Variants in RABGAP1L observed in about 807,000 individuals in gnomAD.
RABGAP1L encodes rab GTPase-activating protein 1-like.
RABGAP1L carries 63 observed loss-of-function variants against 137.7 expected under a neutral mutation model. That is an observed-to-expected ratio of 0.46 (90% confidence interval 0.37 to 0.56). The LOEUF (loss-of-function observed/expected upper bound fraction) is 0.56. Among genes scored for constraint, RABGAP1L ranks in the 20% least tolerant of loss-of-function variants. The pLI is 0.00. For missense variants in RABGAP1L, 1,095 were observed against 1,244.0 expected, an observed-to-expected ratio of 0.88 and a Z score of 1.80; for synonymous variants, 431 against 433.7, an observed-to-expected ratio of 0.99 and a Z score of 0.08.
chr1:174,976,003 G>T, intron 21 of RABGAP1L, 75 bp from the exon 22 acceptor site: 1 of 1,333,434 alleles, frequency 7.5e-7, no homozygotes, highest in Non-Finnish European at 1.0e-6. Context: ...GATTGGGTTT[G>T]GAGAAGATTT....
chr1:174,971,716 C>T (rs1321952993), intron 21 of RABGAP1L, among the ~76,000 whole-genome samples: 1 of 152,246 alleles, frequency 6.6e-6, no homozygotes, highest in African/African-American at 2.4e-5. Flanking sequence ...ACCTGCCCCA[C>T]CAGTCTTCTA....
intron 11 of RABGAP1L, among the ~76,000 whole-genome samples, chr1:174,336,189 T>C (rs367653187): frequency 1.3e-5 from 2 of 152,360 alleles, no homozygotes; most frequent in African/African-American, 4.8e-5. Context: ...CATGGCTCAC[T>C]GTAGCCTTGA....
chr1:174,665,063 A>T (rs1268954059), intron 14 of RABGAP1L, among the ~76,000 whole-genome samples: 1 of 152,080 alleles, frequency 6.6e-6, no homozygotes, highest in East Asian at 1.9e-4. Flanking sequence ...ACATTCTTTA[A>T]AGTCATTTTT....
chr1:174,674,015 C>T (rs958089781), intron 14 of RABGAP1L, among the ~76,000 whole-genome samples: 1 of 151,488 alleles, frequency 6.6e-6, no homozygotes, highest in African/African-American at 2.4e-5. Flanking sequence ...ATTATACCTC[C>T]ATAAACATGA....
intron 19 of RABGAP1L, among the ~76,000 whole-genome samples, chr1:174,912,048 A>G (rs993366527): frequency 2.0e-5 from 3 of 152,244 alleles, no homozygotes; most frequent in Non-Finnish European, 4.4e-5. Context: ...GGAACTGTCT[A>G]TAAGTGGCTA....
At chr1:174,281,448 AG>A (rs1675536351) in intron 10 of RABGAP1L, among the ~76,000 whole-genome samples, 1 of 152,142 alleles carries the variant, frequency 6.6e-6, no homozygotes, top group African/African-American at 2.4e-5. Flanking sequence ...ACAAACCTTT[AG>A]CTAGACAGAG....
intron 7 of RABGAP1L, among the ~76,000 whole-genome samples, chr1:174,259,190 A>G (rs529892064): frequency 2.0e-5 from 3 of 152,198 alleles, no homozygotes; most frequent in African/African-American, 7.2e-5. Context: ...TTTGCAAATT[A>G]TACTGCAGTT....
intron 13 of RABGAP1L, among the ~76,000 whole-genome samples, chr1:174,447,503 C>G (rs929077058): frequency 6.6e-6 from 1 of 152,132 alleles, no homozygotes; most frequent in African/African-American, 2.4e-5. Context: ...CAAAGACACT[C>G]TTTGCCACAA....
chr1:174,973,979 GTTTTTTTTTTTT>G (rs58500594), intron 21 of RABGAP1L, among the ~76,000 whole-genome samples: 29 of 85,812 alleles, frequency 3.4e-4, no homozygotes, highest in African/African-American at 8.8e-4. Context: ...ATTGTTTTTT[GTTTTTTTTTTTT>G]TTTTTTTTTT....
intron 17 of RABGAP1L, among the ~76,000 whole-genome samples, chr1:174,730,076 G>C (rs1013963900): frequency 2.0e-5 from 3 of 151,732 alleles, no homozygotes; most frequent in African/African-American, 7.3e-5. Context: ...TGGTGAATTG[G>C]ATAAAGAAAA....
rs1459996393 is a variant in RABGAP1L at position 174,515,902 on chromosome 1, A to G, written c.1711-121473A>G. On this transcript the variant is annotated intron_variant, in intron 13 of 25. Coordinates refer to ENST00000681986, the MANE Select transcript of RABGAP1L (RefSeq NM_001366446.1). ...CTATCTTAAGTTGGGTCCTACTATG[A>G]TATTTGTAACTTAGATCACTTGGAG... is the stretch of plus-strand genomic sequence containing the variant. Among the ~76,000 whole-genome samples the G allele has an allele frequency of 2.6e-5, 4 of 152,108 alleles. No homozygotes were observed. The East Asian group carries it at 7.7e-4, about 29-fold the overall frequency.
At chr1:174,827,667 T>G (rs1220215398) in intron 19 of RABGAP1L, among the ~76,000 whole-genome samples, 1 of 60,474 alleles carries the variant, frequency 1.7e-5, no homozygotes, top group Non-Finnish European at 4.8e-5. Context: ...TCAGATGATC[T>G]AAAAGATCCT....
chr1:174,880,423 A>G (rs1358498054), intron 19 of RABGAP1L, among the ~76,000 whole-genome samples: 1 of 152,086 alleles, frequency 6.6e-6, no homozygotes, highest in Non-Finnish European at 1.5e-5. Context: ...GGATTCCTTG[A>G]ACCCAGGAAT....
chr1:174,732,203 A>C (rs1295628197), intron 17 of RABGAP1L, among the ~76,000 whole-genome samples: 3 of 149,456 alleles, frequency 2.0e-5, no homozygotes, highest in Non-Finnish European at 4.5e-5. Flanking sequence ...ATCCCCCCCA[A>C]AAAAAAAAAA....
intron 18 of RABGAP1L, among the ~76,000 whole-genome samples, chr1:174,794,283 CTT>C (rs1688075968): frequency 6.6e-6 from 1 of 152,164 alleles, no homozygotes; most frequent in South Asian, 2.1e-4. Context: ...ACAGGAATGT[CTT>C]TTCAGTGTTT....
intron 4 of RABGAP1L, among the ~76,000 whole-genome samples, chr1:174,233,084 T>C (rs1472191595): frequency 6.6e-6 from 1 of 152,134 alleles, no homozygotes; most frequent in African/African-American, 2.4e-5. Flanking sequence ...TCTTACATGG[T>C]GGAAGAGAGT....
chr1:174,701,242 G>A (rs1353966405), intron 16 of RABGAP1L: 2 of 1,255,958 alleles, frequency 1.6e-6, no homozygotes, highest in Non-Finnish European at 1.0e-6. Flanking sequence ...TACCATAAAG[G>A]CATTTTTAGA....
At chr1:174,300,380 C>T (rs1353560814) in intron 10 of RABGAP1L, among the ~76,000 whole-genome samples, 4 of 151,798 alleles carry the variant, frequency 2.6e-5, no homozygotes, top group Admixed American at 2.6e-4. Context: ...ACAAAATTAG[C>T]AGGTTGTGGT....
At chr1:174,929,256 A>T (rs1380827309) in intron 19 of RABGAP1L, among the ~76,000 whole-genome samples, 1 of 152,174 alleles carries the variant, frequency 6.6e-6, no homozygotes, top group Non-Finnish European at 1.5e-5. Flanking sequence ...GGGTTTTAAC[A>T]GTTGTATTTG....
Sources: allele counts gnomAD v4.1 joint callset (sites outside exome capture counted in the v4.1 genomes callset), GRCh38; gene constraint gnomAD v4.1.1; transcripts MANE v1.5; gene names NCBI Gene and HGNC (gene_info 2026-07-23, HGNC 2026-07-21).